Variants in PRRC1 observed in about 807,000 individuals in gnomAD.
PRRC1 encodes protein PRRC1.
A neutral mutation model predicts 40.7 loss-of-function variants in PRRC1; 39 were observed. The observed-to-expected ratio is 0.96, with a 90% CI of 0.74 to 1.25. The LOEUF (loss-of-function observed/expected upper bound fraction) is 1.25, where lower values mean the gene tolerates loss of function less well. PRRC1 is among the 50% of genes most tolerant of loss of function. The pLI, the probability that PRRC1 is intolerant of heterozygous loss-of-function variation, is 0.00. For missense variants in PRRC1, 573 were observed against 548.3 expected (o/e 1.05, Z -0.45); for synonymous variants, 175 against 193.3 (o/e 0.91, Z 0.79).
Position 127,530,492 on chromosome 5 carries a change from T to C in PRRC1, c.757+96T>C. ...TAATTCTCTGTTCGTTTCCACTGAT[T>C]GTGTAATCAGTGGAAATTCTTATTA... On this transcript the variant is annotated intron_variant, in intron 5 of 8. Transcript: ENST00000296666. The C allele has an allele frequency of 2.3e-5, 15 of 662,788 alleles. No individual in the cohort carries two copies. In the South Asian group the frequency reaches 3.7e-4, roughly 16 times the overall value. The allele number at this position is 662,788 out of a possible 1,614,324, so 41.1% of individuals were successfully genotyped here. A position where few individuals can be genotyped will look rare whatever the true frequency, so the allele number is the denominator to read the frequency against.
chr5:127,531,617 C>CTTTTTTTTTTTTTTTTTTTTTTTTTT (rs60179366), intron 5 of PRRC1, among the ~76,000 whole-genome samples: 3 of 99,680 alleles, frequency 3.0e-5, no homozygotes, highest in African/African-American at 9.3e-5. Flanking sequence ...TCTTCTTCTT[C>CTTTTTTTTTTTTTTTTTTTTTTTTTT]TTTTTTTTTT....
At chr5:127,522,616 T>A (rs970309205) in intron 1 of PRRC1, among the ~76,000 whole-genome samples, 1 of 152,068 alleles carries the variant, frequency 6.6e-6, no homozygotes, top group Non-Finnish European at 1.5e-5. Context: ...GGTCTCAAAC[T>A]CCTGGTCTCA....
In PRRC1 at chr5:127,554,919, T is replaced by A. The variant is rs1768486647; in HGVS notation, c.*3003T>A. The A allele has an allele frequency of 6.6e-6, 1 of 152,650 alleles. No homozygotes were observed. The highest frequency in any genetic ancestry group is 6.5e-5 in the Admixed American group (1 of 15,276). The allele number at this position is 152,650 out of a possible 1,614,324, so 9.5% of individuals were successfully genotyped here. On this transcript the variant is annotated 3_prime_UTR_variant, in exon 9 of 9. Coordinates refer to ENST00000296666, the MANE Select transcript of PRRC1 (RefSeq NM_130809.5). ...AGTTTGGGAAGCCAAATTGATAATA[T>A]TCTATGTTCTAAAAGTTGGGCTATA...
chr5:127,550,257 C>T (rs1768341895), intron 8 of PRRC1: 1 of 152,168 alleles, frequency 6.6e-6, no homozygotes, highest in African/African-American at 2.4e-5. Context: ...TTAGAAGATA[C>T]AAAACTGTGT....
At chr5:127,521,570 C>T (rs961553419) in intron 1 of PRRC1, among the ~76,000 whole-genome samples, 1 of 152,202 alleles carries the variant, frequency 6.6e-6, no homozygotes, top group African/African-American at 2.4e-5. Flanking sequence ...GTAAAATTGC[C>T]TTGCTGAGAA....
At chr5:127,536,462 T>A (rs967648015) in intron 6 of PRRC1, among the ~76,000 whole-genome samples, 3 of 152,102 alleles carry the variant, frequency 2.0e-5, no homozygotes, top group Admixed American at 6.6e-5. Context: ...ATTTGAAGAT[T>A]TCCCAAGAGG....
rs201646085 is a variant in PRRC1, at chr5:127,554,372, A to AT, written c.*2466dup. ...TCACCACTGTTGGGGTTGTTTTGTG[A>AT]TTTTTTTTTTCTTCCGAAGAACTCC... On this transcript the variant is annotated 3_prime_UTR_variant, in exon 9 of 9. Transcript: ENST00000296666. 1.1e-3 allele frequency: 158 copies of AT among 148,854 alleles called. 1 individual carries two copies. The East Asian group carries it at 0.019, about 18-fold the overall frequency. 9.2% of individuals were successfully genotyped at this position (148,854 alleles called of 1,614,324 possible). A position where few individuals can be genotyped will look rare whatever the true frequency, so the allele number is the denominator to read the frequency against.
chr5:127,547,080 G>T (rs1768247230), intron 7 of PRRC1, among the ~76,000 whole-genome samples: 1 of 151,866 alleles, frequency 6.6e-6, no homozygotes, highest in Non-Finnish European at 1.5e-5. Context: ...TAAAAAATAG[G>T]CATTAAACAT....
intron 7 of PRRC1, among the ~76,000 whole-genome samples, chr5:127,541,255 G>A (rs941720621): frequency 6.6e-6 from 1 of 152,196 alleles, no homozygotes; most frequent in African/African-American, 2.4e-5. Flanking sequence ...GCTCTTTGAT[G>A]TGCTGCTGGA....
At position 127,535,087 on chromosome 5, in the gene PRRC1, C is replaced by T. The variant is rs77693049; in HGVS notation, c.921+1301C>T. On this transcript the variant is annotated intron_variant, in intron 6 of 8. Coordinates refer to ENST00000296666, the MANE Select transcript of PRRC1 (RefSeq NM_130809.5). ...TGAGCCATTGCTCCCAGGGGAGATA[C>T]GATGGTTAGGATACTGTGGGCCTCT... Among the ~76,000 whole-genome samples, 611 of 151,788 alleles carry T rather than the reference C, an allele frequency of 4.0e-3. 5 individuals are homozygous for T. The highest frequency in any genetic ancestry group is 7.8e-3 in the Non-Finnish European group (526 of 67,846).
Position 127,547,454 on chromosome 5 carries a change from G to T in PRRC1, c.1026-365G>T, listed in dbSNP as rs59247653. Reference sequence around the variant, plus strand: ...GTATTATAAAATTTCCCATATTTTAGCAAGTGACAATTGAAAAATATTACT... The same window carrying T: ...GTATTATAAAATTTCCCATATTTTATCAAGTGACAATTGAAAAATATTACT... On this transcript the variant is annotated intron_variant, in intron 7 of 8. Transcript: ENST00000296666. Among the ~76,000 whole-genome samples, 387 of 152,068 alleles carry T rather than the reference G, an allele frequency of 2.5e-3. 3 individuals carry two copies. Among genetic ancestry groups the T allele is most frequent in the African/African-American group, 8.9e-3 (371 of 41,512 alleles).
chr5:127,552,380 G>T lies in PRRC1; in HGVS notation c.*464G>T. The T allele has an allele frequency of 2.0e-6, 2 of 1,001,294 alleles. No homozygotes were observed. The highest frequency in any genetic ancestry group is 2.4e-6 in the Non-Finnish European group (2 of 838,416). 62.0% of individuals were successfully genotyped at this position (1,001,294 alleles called of 1,614,324 possible). A position where few individuals can be genotyped will look rare whatever the true frequency, so the allele number is the denominator to read the frequency against. ...GTATGTGCACACGATCTCAGGGCTG[G>T]TGCTGAGCAGCCTGCTCAACAGTCA... On this transcript the variant is annotated 3_prime_UTR_variant, in exon 9 of 9. Transcript: ENST00000296666.
intron 2 of PRRC1, 52 bp downstream of exon 2, chr5:127,523,634 A>G (rs1375048016): frequency 9.1e-7 from 1 of 1,103,784 alleles, no homozygotes; most frequent in East Asian, 2.5e-5. Context: ...TGAAGATACT[A>G]TCATCTTTTC....
rs1383025880 is a variant in PRRC1, at chr5:127,530,293, G to A, written c.655-1G>A. The A allele has an allele frequency of 1.2e-6, 2 of 1,612,504 alleles. No homozygotes were observed. The highest frequency in any genetic ancestry group is 8.5e-7 in the Non-Finnish European group (1 of 1,178,852). On this transcript the variant is annotated splice_acceptor_variant, in intron 4 of 8. Transcript: ENST00000296666. LOFTEE classifies it high-confidence loss of function. ...CTTACATATTGATTTGTTTTATGCA[G>A]GGTGTGGCTGGGAATCCTATGGTGA... is the stretch of plus-strand genomic sequence containing the variant.
chr5:127,537,851 T>C (rs1767938031), intron 6 of PRRC1, among the ~76,000 whole-genome samples: 1 of 152,018 alleles, frequency 6.6e-6, no homozygotes, highest in Non-Finnish European at 1.5e-5. Flanking sequence ...ACTAAGTTCA[T>C]CTTATCTGTT....
At chr5:127,520,620 A>G (rs187603022) in intron 1 of PRRC1, among the ~76,000 whole-genome samples, 1 of 152,358 alleles carries the variant, frequency 6.6e-6, no homozygotes, top group East Asian at 1.9e-4. Context: ...AAAGTGATAG[A>G]AAACAGAGCA....
intron 5 of PRRC1, 74 bp from the exon 6 acceptor site, chr5:127,533,549 C>A: frequency 1.6e-6 from 2 of 1,215,198 alleles, no homozygotes; most frequent in Non-Finnish European, 2.4e-6. Context: ...TAGATGTTAG[C>A]ACCTGGTATG....
rs1050001865 is a variant in PRRC1 at position 127,553,041 on chromosome 5, T to A, written c.*1125T>A. ...TTATATAAATGATAATTAAATAAAT[T>A]TTTTTCTTAATACTGTTGGACTTTG... On this transcript the variant is annotated 3_prime_UTR_variant, in exon 9 of 9. Coordinates refer to ENST00000296666, the MANE Select transcript of PRRC1 (RefSeq NM_130809.5). 7 of 735,562 alleles carry A rather than the reference T, an allele frequency of 9.5e-6. No individual in the cohort carries two copies. The highest frequency in any genetic ancestry group is 1.2e-5 in the Non-Finnish European group (7 of 603,244). The allele number at this position is 735,562 out of a possible 1,614,324, so 45.6% of individuals were successfully genotyped here.
At chr5:127,542,744 CT>C (rs1247339122) in intron 7 of PRRC1, among the ~76,000 whole-genome samples, 2 of 149,974 alleles carry the variant, frequency 1.3e-5, no homozygotes, top group Non-Finnish European at 3.0e-5. Context: ...TTCCTCCATC[CT>C]TTTATTTTGA....
Sources: allele counts gnomAD v4.1 joint callset (sites outside exome capture counted in the v4.1 genomes callset), GRCh38; gene constraint gnomAD v4.1.1; transcripts MANE v1.5; gene names NCBI Gene and HGNC (gene_info 2026-07-23, HGNC 2026-07-21).